SLC7A7: variants seen among roughly 807,000 people sequenced by gnomAD.
SLC7A7 encodes the protein solute carrier family 7 member 7, also known as Y+L amino acid transporter 1.
Under a neutral mutation model 47.9 loss-of-function variants are expected in SLC7A7, and 39 were observed. That is an observed-to-expected ratio of 0.81 (90% CI 0.63 to 1.06). SLC7A7 has a LOEUF of 1.06. Ranked by LOEUF, SLC7A7 falls within the 50% of genes least tolerant of loss-of-function variation. The pLI, the probability that SLC7A7 is intolerant of heterozygous loss-of-function variation, is 0.00. For missense variants in SLC7A7, 588 were observed against 632.0 expected (o/e 0.93, Z 0.75); for synonymous variants, 234 against 242.8 (o/e 0.96, Z 0.34).
intron 2 of SLC7A7, among the ~76,000 whole-genome samples, chr14:22,788,918 G>A (rs2038874612): frequency 6.6e-6 from 1 of 151,976 alleles, no homozygotes; most frequent in South Asian, 2.1e-4. Flanking sequence ...GCATAAGAAG[G>A]GCTCAAGGGT....
intron 2 of SLC7A7, among the ~76,000 whole-genome samples, chr14:22,785,035 T>C (rs946549495): frequency 7.9e-5 from 12 of 152,166 alleles, no homozygotes; most frequent in Non-Finnish European, 1.5e-5. Flanking sequence ...TCCCAGCACC[T>C]TGAGAGACTG....
chr14:22,812,639 TAAAA>T (rs10566770), intron 2 of SLC7A7, among the ~76,000 whole-genome samples: 8 of 139,134 alleles, frequency 5.7e-5, no homozygotes, highest in Admixed American at 7.2e-5. Flanking sequence ...CCTGTCTCTT[TAAAA>T]AAAAAAAAAA....
chr14:22,813,883 C>T (rs1198564798), intron 1 of SLC7A7, among the ~76,000 whole-genome samples: 2 of 151,260 alleles, frequency 1.3e-5, no homozygotes, highest in African/African-American at 4.9e-5. Flanking sequence ...CTCCGCCTCC[C>T]GGGTTCAAGT....
intron 2 of SLC7A7, among the ~76,000 whole-genome samples, chr14:22,811,858 AAAAAAAAG>A (rs1438742083): frequency 9.2e-5 from 14 of 151,482 alleles, no homozygotes; most frequent in Non-Finnish European, 1.9e-4. Context: ...AAAAAAAAAA[AAAAAAAAG>A]GAAGAATCCA....
chr14:22,775,980 GA>G lies in SLC7A7; in HGVS notation c.895-45del, dbSNP rs1566440499. ...AGAGTCATTAGCAGGATCTAAAAGG[GA>G]TGAAAGACATGGATGGGCATGCCCC... On this transcript the variant is annotated intron_variant, in intron 5 of 9. Coordinates refer to ENST00000674313, the MANE Select transcript of SLC7A7 (RefSeq NM_003982.4). The G allele has an allele frequency of 2.6e-6, 4 of 1,525,104 alleles. No individual in the cohort carries two copies. In the South Asian group the frequency reaches 4.5e-5, roughly 17 times the overall value. The allele number at this position is 1,525,104 out of a possible 1,614,324, so 94.5% of individuals were successfully genotyped here. A position where few individuals can be genotyped will look rare whatever the true frequency, so the allele number is the denominator to read the frequency against.
In SLC7A7 at chr14:22,777,173, C is replaced by CG. The variant is rs1260413100; in HGVS notation, c.771-856dup. On this transcript the variant is annotated intron_variant, in intron 4 of 9. Transcript: ENST00000674313. ...AAAAAAAAAAAAAAAAAAAGCAGGG[C>CG]GGGGGGGATTAACAAAGACTGTCCC... Among the ~76,000 whole-genome samples, 42 of 139,662 alleles carry CG rather than the reference C, an allele frequency of 3.0e-4. No individual in the cohort carries two copies. In the East Asian group the frequency reaches 7.6e-3, roughly 25 times the overall value. The allele number at this position is 139,662 out of a possible 152,430, so 91.6% of individuals were successfully genotyped here. A position where few individuals can be genotyped will look rare whatever the true frequency, so the allele number is the denominator to read the frequency against.
intron 2 of SLC7A7, among the ~76,000 whole-genome samples, chr14:22,788,445 C>T (rs893069271): frequency 3.9e-5 from 6 of 152,146 alleles, no homozygotes; most frequent in Non-Finnish European, 8.8e-5. Context: ...AATAAACAAT[C>T]TGTAATCCTA....
In SLC7A7 at chr14:22,781,842, T is replaced by C. The variant is rs996261776; in HGVS notation, c.500-1791A>G. Reference sequence around the variant, plus strand: ...ACCAGACACAAAGGATGCTGCCACATTGTCAGGAAAATGGGATCCCCAAAT... The same window carrying C: ...ACCAGACACAAAGGATGCTGCCACACTGTCAGGAAAATGGGATCCCCAAAT... On this transcript the variant is annotated intron_variant, in intron 2 of 9. Transcript: ENST00000674313. Among the ~76,000 whole-genome samples, 5 of 152,134 alleles carry C rather than the reference T, an allele frequency of 3.3e-5. No individual in the cohort carries two copies. In the South Asian group the frequency reaches 1.0e-3, roughly 32 times the overall value.
At chr14:22,795,796 A>T (rs2039013048) in intron 2 of SLC7A7, among the ~76,000 whole-genome samples, 1 of 152,084 alleles carries the variant, frequency 6.6e-6, no homozygotes, top group Non-Finnish European at 1.5e-5. Flanking sequence ...TCTCCAGATG[A>T]TTCCAATCCA....
At chr14:22,812,203 G>A (rs2039320844) in intron 2 of SLC7A7, among the ~76,000 whole-genome samples, 1 of 151,588 alleles carries the variant, frequency 6.6e-6, no homozygotes, top group African/African-American at 2.4e-5. Context: ...GTCTCACTCT[G>A]TTGCCCAGGC....
intron 2 of SLC7A7, among the ~76,000 whole-genome samples, chr14:22,781,966 T>C (rs1446613113): frequency 6.6e-6 from 1 of 152,214 alleles, no homozygotes; most frequent in Non-Finnish European, 1.5e-5. Context: ...GTCTGAGCTG[T>C]GTGCCACAAG....
intron 2 of SLC7A7, among the ~76,000 whole-genome samples, chr14:22,782,452 ATTTATTTATTTAT>A (rs1040621317): frequency 6.8e-6 from 1 of 147,216 alleles, no homozygotes; most frequent in African/African-American, 2.5e-5. Flanking sequence ...TTATTTATTT[ATTTATTTATTTAT>A]TTTATTTATT....
At chr14:22,819,546 G>A (rs2039448204), upstream of SLC7A7, 1 of 152,164 alleles carries the variant, frequency 6.6e-6, no homozygotes, top group Admixed American at 6.6e-5. Context: ...GAAACAGGAG[G>A]CTCTTGGGTC....
chr14:22,773,450 A>G lies in SLC7A7; in HGVS notation c.*160T>C, dbSNP rs780489702. 9 of 717,898 alleles carry G rather than the reference A, an allele frequency of 1.3e-5. No individual in the cohort carries two copies. Among genetic ancestry groups the G allele is most frequent in the Admixed American group, 2.0e-5 (1 of 49,870 alleles). The allele number at this position is 717,898 out of a possible 1,614,324, so 44.5% of individuals were successfully genotyped here. A position where few individuals can be genotyped will look rare whatever the true frequency, so the allele number is the denominator to read the frequency against. ...GAACAGTATGTAGCAAAACAAATAAATTACTTTTCATTTCAAAAAGTAAGT... is the reference window on the plus strand; with the variant it reads ...GAACAGTATGTAGCAAAACAAATAAGTTACTTTTCATTTCAAAAAGTAAGT... On this transcript the variant is annotated 3_prime_UTR_variant, in exon 10 of 10. Coordinates refer to ENST00000674313, the MANE Select transcript of SLC7A7 (RefSeq NM_003982.4).
rs1182780017 is a variant in SLC7A7, at chr14:22,773,955, C to T, written c.1407G>A (p.Pro469=). The T allele has an allele frequency of 1.7e-5, 28 of 1,614,024 alleles. No homozygotes were observed. The highest frequency in any genetic ancestry group is 3.3e-4 in the Middle Eastern group (2 of 6,050). The change falls in exon 9 of 10, where the codon CCG becomes CCA. Residue 469 remains proline, a synonymous_variant. Coordinates refer to ENST00000674313, the MANE Select transcript of SLC7A7 (RefSeq NM_003982.4). The part of the protein sequence containing the change: ...LIIRVPEHKR[P]LYLRRIVGSA... ...TACCCACGATCCTTCGGAGGTAAAG[C>T]GGTCGCTTATGTTCTGGCACTCTGA...
intron 2 of SLC7A7, among the ~76,000 whole-genome samples, chr14:22,811,248 C>T (rs188548358): frequency 9.8e-4 from 149 of 152,282 alleles, no homozygotes; most frequent in African/African-American, 3.4e-3. Flanking sequence ...GATTGGAGAG[C>T]GGTGAGCCAA....
At chr14:22,787,936 G>A (rs925724964) in intron 2 of SLC7A7, among the ~76,000 whole-genome samples, 1 of 151,770 alleles carries the variant, frequency 6.6e-6, no homozygotes, top group Non-Finnish European at 1.5e-5. Context: ...AGCCGGGCGT[G>A]GTGGCGGGTG....
intron 4 of SLC7A7, 36 bp from the exon 5 acceptor site, chr14:22,776,354 ACAGT>A: frequency 6.2e-7 from 1 of 1,614,052 alleles, no homozygotes; most frequent in Non-Finnish European, 8.5e-7. Flanking sequence ...CATTAGTCCC[ACAGT>A]CATATCCCTA....
At chr14:22,781,998 G>T (rs1378284754) in intron 2 of SLC7A7, among the ~76,000 whole-genome samples, 1 of 152,158 alleles carries the variant, frequency 6.6e-6, no homozygotes, top group African/African-American at 2.4e-5. Flanking sequence ...TTCTGTCCAG[G>T]GATGTAGGCA....
Sources: allele counts gnomAD v4.1 joint callset (sites outside exome capture counted in the v4.1 genomes callset), GRCh38; gene constraint gnomAD v4.1.1; transcripts MANE v1.5; gene names NCBI Gene and HGNC (gene_info 2026-07-23, HGNC 2026-07-21).